Variants in TMEM132B observed in about 807,000 individuals in gnomAD.
TMEM132B encodes the protein transmembrane protein 132B.
TMEM132B carries 18 observed loss-of-function variants against 90.8 expected under a neutral mutation model. The observed-to-expected ratio is 0.20, with a 90% confidence interval of 0.14 to 0.29. The LOEUF (loss-of-function observed/expected upper bound fraction) is 0.29. TMEM132B is among the 10% of genes least tolerant of loss of function. The pLI is 1.00. For synonymous variants in TMEM132B, 504 were observed against 523.3 expected, an observed-to-expected ratio of 0.96 and a Z score of 0.50; for missense variants, 1,096 against 1,326.8, an observed-to-expected ratio of 0.83 and a Z score of 2.70.
chr12:125,658,712 G>A lies in TMEM132B; in HGVS notation c.*4002G>A, dbSNP rs1887134120. 1 of 152,168 alleles carries A rather than the reference G, an allele frequency of 6.6e-6. No individual in the cohort carries two copies. Among genetic ancestry groups the A allele is most frequent in the African/African-American group, 2.4e-5 (1 of 41,424 alleles). 9.4% of individuals were successfully genotyped at this position (152,168 alleles called of 1,614,324 possible). On this transcript the variant is annotated 3_prime_UTR_variant, in exon 9 of 9. Transcript: ENST00000682704. Reference sequence around the variant, plus strand: ...AATGAAACACCGAGTTTTTTAAAGTGAAAGCATGCAAAATCGTAGCTTTTA... The same window carrying A: ...AATGAAACACCGAGTTTTTTAAAGTAAAAGCATGCAAAATCGTAGCTTTTA...
intron 1 of TMEM132B, among the ~76,000 whole-genome samples, chr12:125,338,838 A>G (rs1877069804): frequency 6.6e-6 from 1 of 151,972 alleles, no homozygotes; most frequent in Non-Finnish European, 1.5e-5. Flanking sequence ...TCATGCTTTT[A>G]TTTCATTTGG....
chr12:125,638,342 T>G (rs1886540384), intron 5 of TMEM132B, among the ~76,000 whole-genome samples: 1 of 152,216 alleles, frequency 6.6e-6, no homozygotes, highest in African/African-American at 2.4e-5. Context: ...AGTAAGAACT[T>G]AATACATGAT....
chr12:125,569,138 A>T (rs1364177404), intron 4 of TMEM132B, among the ~76,000 whole-genome samples: 3 of 151,916 alleles, frequency 2.0e-5, no homozygotes, highest in African/African-American at 7.3e-5. Context: ...TGCTCTGCTC[A>T]TGTCCGTTGC....
chr12:125,611,570 A>G (rs1407642278), intron 5 of TMEM132B, among the ~76,000 whole-genome samples: 1 of 152,006 alleles, frequency 6.6e-6, no homozygotes, highest in South Asian at 2.1e-4. Flanking sequence ...TGTAAACACT[A>G]TATTAGCTAC....
At chr12:125,647,775 T>C (rs11058280) in intron 6 of TMEM132B, among the ~76,000 whole-genome samples, 48,727 of 151,980 alleles carry the variant, frequency 0.32, 8,714 homozygotes, top group African/African-American at 0.46. Context: ...CACTGTTAAA[T>C]AGGATAGACT....
chr12:125,232,685 T>C (rs758602791), intron 1 of TMEM132B, among the ~76,000 whole-genome samples: 5 of 152,238 alleles, frequency 3.3e-5, no homozygotes, highest in Non-Finnish European at 7.3e-5. Flanking sequence ...ATTTTTTCTC[T>C]CTCATAAATG....
intron 3 of TMEM132B, among the ~76,000 whole-genome samples, chr12:125,435,376 G>T (rs1239091707): frequency 3.9e-5 from 6 of 152,106 alleles, no homozygotes; most frequent in Non-Finnish European, 8.8e-5. Context: ...ACTGGGGTGC[G>T]GAAGGGGTGG....
chr12:125,199,903 G>A (rs1873017062), intron 1 of TMEM132B, among the ~76,000 whole-genome samples: 2 of 152,184 alleles, frequency 1.3e-5, no homozygotes, highest in African/African-American at 4.8e-5. Flanking sequence ...TCTCATTGGT[G>A]AAGACTGAGT....
intron 1 of TMEM132B, among the ~76,000 whole-genome samples, chr12:125,248,561 A>G (rs756986215): frequency 1.3e-5 from 2 of 152,206 alleles, no homozygotes; most frequent in Non-Finnish European, 2.9e-5. Flanking sequence ...AACCATCTGA[A>G]TGTGCCTATA....
chr12:125,514,552 A>T lies in TMEM132B; in HGVS notation c.1107-4887A>T, dbSNP rs973408502. Among the ~76,000 whole-genome samples the T allele has an allele frequency of 2.6e-5, 4 of 152,338 alleles. No individual in the cohort carries two copies. In the East Asian group the frequency reaches 7.7e-4, roughly 29 times the overall value. On this transcript the variant is annotated intron_variant, in intron 3 of 8. Transcript: ENST00000682704. ...AAAAAACAGATACCTGAGACCAGAGACAGCTTCTCTTGTCCCATTTTTAGA... is the reference window on the plus strand; with the variant it reads ...AAAAAACAGATACCTGAGACCAGAGTCAGCTTCTCTTGTCCCATTTTTAGA...
rs1451212765 is a variant in TMEM132B, at chr12:125,415,930, A to G, written c.1106+253A>G. On this transcript the variant is annotated intron_variant, in intron 3 of 8. Coordinates refer to ENST00000682704, the MANE Select transcript of TMEM132B (RefSeq NM_001366854.1). The surrounding 1 kb of genome is among the most constrained non-coding windows in gnomAD (Gnocchi z 5.3). ...TTTGCAGCGAAGAGTTGAAGAAGGAAATGGGGGAAATAAAAATGATTTAAG... is the reference window on the plus strand; with the variant it reads ...TTTGCAGCGAAGAGTTGAAGAAGGAGATGGGGGAAATAAAAATGATTTAAG... Among the ~76,000 whole-genome samples the G allele has an allele frequency of 1.3e-5, 2 of 152,154 alleles. No individual in the cohort carries two copies. Among genetic ancestry groups the G allele is most frequent in the Non-Finnish European group, 2.9e-5 (2 of 68,016 alleles).
chr12:125,190,513 T>G (rs1593035092), intron 1 of TMEM132B, among the ~76,000 whole-genome samples: 2 of 62,546 alleles, frequency 3.2e-5, no homozygotes, highest in African/African-American at 1.5e-4. Flanking sequence ...GAAGGGGTGG[T>G]GATGGTGATG....
At chr12:125,650,561 G>A (rs1886879081) in intron 6 of TMEM132B, 122 bp from the exon 7 acceptor site, 2 of 1,165,184 alleles carry the variant, frequency 1.7e-6, no homozygotes, top group South Asian at 1.5e-5. Flanking sequence ...GGCTGAGCAG[G>A]TCCTGCAGGA....
chr12:125,478,381 G>A (rs747571487), intron 3 of TMEM132B, among the ~76,000 whole-genome samples: 72 of 152,132 alleles, frequency 4.7e-4, no homozygotes, highest in Non-Finnish European at 7.9e-4. Flanking sequence ...GAGATTAGAC[G>A]GATGGCTAAC....
intron 1 of TMEM132B, among the ~76,000 whole-genome samples, chr12:125,225,837 C>T (rs567549035): frequency 5.8e-4 from 89 of 152,302 alleles, no homozygotes; most frequent in African/African-American, 6.0e-4. Flanking sequence ...AATTCAGGCT[C>T]AGTCACATGA....
rs72059024 is a variant in TMEM132B, at chr12:125,188,852, CAAA to C, written c.67+2005_67+2007del. ...ATTTAGCACTAGTTAGGAGGGATGGCAAAAAAAAAAAAAAAAAAAAAGAAAAAA... is the reference window on the plus strand; with the variant it reads ...ATTTAGCACTAGTTAGGAGGGATGGCAAAAAAAAAAAAAAAAAAGAAAAAA... On this transcript the variant is annotated intron_variant, in intron 1 of 8. Transcript: ENST00000682704. 9.7e-3 allele frequency among the ~76,000 whole-genome samples: 882 copies of C among 91,192 alleles called. 9 individuals are homozygous for C. The highest frequency in any genetic ancestry group is 0.037 in the African/African-American group (839 of 22,820). 59.8% of individuals were successfully genotyped at this position (91,192 alleles called of 152,430 possible). A position where few individuals can be genotyped will look rare whatever the true frequency, so the allele number is the denominator to read the frequency against.
At chr12:125,236,023 G>T (rs1199800987) in intron 1 of TMEM132B, among the ~76,000 whole-genome samples, 1 of 151,826 alleles carries the variant, frequency 6.6e-6, no homozygotes, top group African/African-American at 2.4e-5. Flanking sequence ...GGCTGGTCTT[G>T]AACTCCTGAC....
intron 4 of TMEM132B, among the ~76,000 whole-genome samples, chr12:125,551,714 A>G (rs1177924536): frequency 6.6e-6 from 1 of 152,090 alleles, no homozygotes; most frequent in African/African-American, 2.4e-5. Context: ...GTGGCTTGGA[A>G]CAACAGTCTT....
chr12:125,510,857 A>C (rs1241637887), intron 3 of TMEM132B, among the ~76,000 whole-genome samples: 3 of 152,198 alleles, frequency 2.0e-5, no homozygotes, highest in Non-Finnish European at 4.4e-5. Flanking sequence ...ATTCATATAC[A>C]TGTGCAACTT....
Sources: gnomAD v4.1 joint callset for allele counts (sites outside exome capture counted in the v4.1 genomes callset) on GRCh38, gnomAD v4.1.1 for gene constraint, Gnocchi (gnomAD v3.1) non-coding constraint, MANE v1.5 for transcripts, NCBI Gene and HGNC (gene_info 2026-07-23, HGNC 2026-07-21) for gene names.